Variants in TFB1M observed in about 807,000 individuals in gnomAD.
TFB1M encodes transcription factor B1, mitochondrial, also known as dimethyladenosine transferase 1, mitochondrial.
In TFB1M, 27 loss-of-function variants were observed where a neutral mutation model predicts 31.1. The observed-to-expected ratio is 0.87, with a 90% CI of 0.64 to 1.20. TFB1M has a LOEUF of 1.20. Among genes scored for constraint, TFB1M ranks in the 50% most tolerant of loss-of-function variants. TFB1M has a pLI of 0.00. For missense variants in TFB1M, 394 were observed against 418.7 expected (o/e 0.94, Z 0.51); for synonymous variants, 166 against 151.8 (o/e 1.09, Z -0.69).
At chr6:155,267,354 GAC>G (rs1784704320) in intron 5 of TFB1M, among the ~76,000 whole-genome samples, 1 of 152,210 alleles carries the variant, frequency 6.6e-6, no homozygotes, top group Admixed American at 6.5e-5. Context: ...AAAATATAGA[GAC>G]AAATCTCCAA....
chr6:155,251,263 G>T (rs914060407), downstream of TFB1M, among the ~76,000 whole-genome samples: 1 of 152,132 alleles, frequency 6.6e-6, no homozygotes, highest in South Asian at 2.1e-4. Flanking sequence ...AGATCCCTGC[G>T]GCTATTTTGA....
the TFB1M span, among the ~76,000 whole-genome samples, chr6:155,233,385 C>G: frequency 1.3e-5 from 2 of 152,058 alleles, no homozygotes; most frequent in Admixed American, 6.6e-5. Flanking sequence ...TTAGAAGGTT[C>G]ATCTGAGTGA....
chr6:155,276,275 A>G (rs372674683), intron 5 of TFB1M: 2 of 1,614,036 alleles, frequency 1.2e-6, no homozygotes, highest in African/African-American at 1.3e-5. Context: ...CACCTCCTGT[A>G]TAAAAAGGAA....
chr6:155,273,641 A>C (rs9397798), intron 5 of TFB1M, among the ~76,000 whole-genome samples: 12 of 151,874 alleles, frequency 7.9e-5, no homozygotes, highest in African/African-American at 2.4e-4. Flanking sequence ...CTGGTTCCCA[A>C]GGGAAACACA....
intron 6 of TFB1M, among the ~76,000 whole-genome samples, chr6:155,259,465 G>A (rs1784290020): frequency 6.6e-6 from 1 of 152,242 alleles, no homozygotes; most frequent in South Asian, 2.1e-4. Context: ...TGCCCAGCTG[G>A]CCCCTAAAAT....
At chr6:155,310,505 C>G (rs1323332699) in intron 2 of TFB1M, among the ~76,000 whole-genome samples, 1 of 152,134 alleles carries the variant, frequency 6.6e-6, no homozygotes, top group East Asian at 1.9e-4. Context: ...TCCTATGTAC[C>G]CCCAACCTTG....
At position 155,314,017 on chromosome 6, in the gene TFB1M, G is replaced by A. The variant is rs182727443; in HGVS notation, c.133+279C>T. The A allele has an allele frequency of 1.5e-5, 17 of 1,104,484 alleles. No individual in the cohort carries two copies. The Admixed American group carries it at 5.1e-4, about 33-fold the overall frequency. 68.4% of individuals were successfully genotyped at this position (1,104,484 alleles called of 1,614,324 possible). ...TCCAATATTCACTAGCGCCTTTCAC[G>A]ACCCATGAACCCTTCCTCCCCTAGG... is the stretch of plus-strand genomic sequence containing the variant. On this transcript the variant is annotated intron_variant, in intron 1 of 6. Transcript: ENST00000367166.
chr6:155,240,220 C>T, the TFB1M span, among the ~76,000 whole-genome samples: 1 of 152,240 alleles, frequency 6.6e-6, no homozygotes, highest in African/African-American at 2.4e-5. Flanking sequence ...AGCTACCTCA[C>T]CTTGACTGCA....
chr6:155,257,282 A>G lies in TFB1M; in HGVS notation c.*554T>C. 1 of 821,254 alleles carries G rather than the reference A, an allele frequency of 1.2e-6. No individual in the cohort carries two copies. The highest frequency in any genetic ancestry group is 1.8e-6 in the Non-Finnish European group (1 of 543,830). The allele number at this position is 821,254 out of a possible 1,614,324, so 50.9% of individuals were successfully genotyped here. A position where few individuals can be genotyped will look rare whatever the true frequency, so the allele number is the denominator to read the frequency against. On this transcript the variant is annotated 3_prime_UTR_variant, in exon 7 of 7. Transcript: ENST00000367166. Reference sequence around the variant, plus strand: ...GGTTGTAAAGATTTAAGTTATTTTAATTTATTGTGGATCAGAAACCTAGAT... The same window carrying G: ...GGTTGTAAAGATTTAAGTTATTTTAGTTTATTGTGGATCAGAAACCTAGAT...
At chr6:155,262,626 T>C (rs1432479301) in intron 5 of TFB1M, among the ~76,000 whole-genome samples, 6 of 152,198 alleles carry the variant, frequency 3.9e-5, no homozygotes, top group Admixed American at 3.3e-4. Flanking sequence ...ATCTAATCCC[T>C]GCCTAGGCCT....
intron 4 of TFB1M, among the ~76,000 whole-genome samples, chr6:155,290,355 C>CAG (rs1265399684): frequency 2.2e-5 from 3 of 138,276 alleles, no homozygotes; most frequent in Non-Finnish European, 4.5e-5. Flanking sequence ...CACTGCACTC[C>CAG]AGCCTGGGTG....
chr6:155,264,794 T>G lies in TFB1M; in HGVS notation c.667-4394A>C, dbSNP rs1049893446. Among the ~76,000 whole-genome samples, 17 of 152,082 alleles carry G rather than the reference T, an allele frequency of 1.1e-4. 1 individual carries two copies. Among genetic ancestry groups the G allele is most frequent in the Admixed American group, 2.0e-4 (3 of 15,264 alleles). ...AGACTAAGAAATGTGGTGAGGGGGA[T>G]GAAGAGTTTTTTTACTGTGTAAATT... is the stretch of plus-strand genomic sequence containing the variant. On this transcript the variant is annotated intron_variant, in intron 5 of 6. Coordinates refer to ENST00000367166, the MANE Select transcript of TFB1M (RefSeq NM_016020.4).
chr6:155,240,403 T>C, the TFB1M span: 1 of 931,212 alleles, frequency 1.1e-6, no homozygotes, highest in African/African-American at 1.6e-5. Flanking sequence ...TGAAACCCTT[T>C]GCCCTACACA....
At chr6:155,293,619 T>C (rs73581214) in intron 4 of TFB1M, among the ~76,000 whole-genome samples, 288 of 152,336 alleles carry the variant, frequency 1.9e-3, no homozygotes, top group African/African-American at 6.7e-3. Flanking sequence ...AAAATAATCA[T>C]TTTTCCTTCT....
chr6:155,280,629 G>A (rs1785454175), intron 5 of TFB1M, among the ~76,000 whole-genome samples: 1 of 152,186 alleles, frequency 6.6e-6, no homozygotes, highest in South Asian at 2.1e-4. Flanking sequence ...ACCAAAGACA[G>A]AAGAGTCTTA....
chr6:155,246,699 C>A, the TFB1M span, among the ~76,000 whole-genome samples: 1 of 152,104 alleles, frequency 6.6e-6, no homozygotes, highest in Non-Finnish European at 1.5e-5. Context: ...CTTGTCAATA[C>A]ATATTGACAG....
the TFB1M span, among the ~76,000 whole-genome samples, chr6:155,247,390 G>A: frequency 1.3e-5 from 2 of 151,952 alleles, no homozygotes; most frequent in African/African-American, 2.4e-5. Context: ...GTGCAGTGGC[G>A]CGATCTTGGC....
At chr6:155,275,147 AC>A (rs1785118586) in intron 5 of TFB1M, among the ~76,000 whole-genome samples, 1 of 152,104 alleles carries the variant, frequency 6.6e-6, no homozygotes, top group African/African-American at 2.4e-5. Flanking sequence ...AATGGTGTGA[AC>A]CCAGGAGGTG....
chr6:155,256,374 TATC>T lies in TFB1M; in HGVS notation c.*1459_*1461del. ...CCAGGATAGTTGCTAACTGAAGTCATATCATAAAATAAAATCTTAATGTTAAAT... is the reference window on the plus strand; with the variant it reads ...CCAGGATAGTTGCTAACTGAAGTCATATAAAATAAAATCTTAATGTTAAAT... On this transcript the variant is annotated 3_prime_UTR_variant, in exon 7 of 7. Transcript: ENST00000367166. The T allele has an allele frequency of 6.7e-7, 1 of 1,483,718 alleles. No individual in the cohort carries two copies. Among genetic ancestry groups the T allele is most frequent in the Non-Finnish European group, 9.1e-7 (1 of 1,099,166 alleles). 91.9% of individuals were successfully genotyped at this position (1,483,718 alleles called of 1,614,324 possible).
Sources: gnomAD v4.1 joint callset for allele counts (sites outside exome capture counted in the v4.1 genomes callset) on GRCh38, gnomAD v4.1.1 for gene constraint, MANE v1.5 for transcripts, NCBI Gene and HGNC (gene_info 2026-07-23, HGNC 2026-07-21) for gene names.